Variants in PTK7 observed in about 807,000 individuals in gnomAD.
The protein encoded by PTK7 is protein tyrosine kinase 7 (inactive).
In PTK7, 39 loss-of-function variants were observed where a neutral mutation model predicts 116.6. That is an observed-to-expected ratio of 0.33 (90% CI 0.26 to 0.44). The LOEUF (loss-of-function observed/expected upper bound fraction) is 0.44, where lower values mean the gene tolerates loss of function less well. Among genes scored for constraint, PTK7 ranks in the 20% least tolerant of loss-of-function variants. The pLI is 1.00. For synonymous variants in PTK7, 546 were observed against 563.6 expected (o/e 0.97, Z 0.44); for missense variants, 1,169 against 1,425.6 (o/e 0.82, Z 2.90).
At chr6:43,115,486 T>C (rs1768454957) in intron 1 of PTK7, among the ~76,000 whole-genome samples, 1 of 152,080 alleles carries the variant, frequency 6.6e-6, no homozygotes, top group Non-Finnish European at 1.5e-5. Context: ...CTCCAGTACC[T>C]GTGAGTAATA....
At chr6:43,138,316 T>C (rs994127361) in intron 7 of PTK7, among the ~76,000 whole-genome samples, 2 of 151,904 alleles carry the variant, frequency 1.3e-5, no homozygotes, top group Non-Finnish European at 2.9e-5. Context: ...CTGCCTACCA[T>C]AGGGGCTTAT....
At chr6:43,126,090 T>G (rs186034920) in intron 1 of PTK7, among the ~76,000 whole-genome samples, 9 of 151,962 alleles carry the variant, frequency 5.9e-5, no homozygotes, top group African/African-American at 2.2e-4. Flanking sequence ...GAGGCCGAGG[T>G]GGGTGGATCA....
In PTK7 at chr6:43,132,651, G is replaced by A; in HGVS notation, c.1192G>A (p.Gly398Ser). The change falls in exon 7 of 20, where the codon GGT (glycine) becomes AGT (serine). Residue 398 changes from glycine (G) to serine (S), a missense_variant. By Grantham distance (56) the Gly-to-Ser change is moderately conservative (BLOSUM62 0). Coordinates refer to ENST00000230419, the MANE Select transcript of PTK7 (RefSeq NM_002821.5). The stretch of plus-strand genomic sequence containing the variant: ...CACCTGCCACGCGGCCAACCTGGCT[G>A]GTCAGCGGAGACAGGATGTCAACAT... Reference protein sequence around the residue: ...VYTCHAANLAGQRRQDVNITV... With the variant: ...VYTCHAANLASQRRQDVNITV... 6.3e-7 allele frequency: 1 copy of A among 1,575,898 alleles called. No homozygotes were observed. Among genetic ancestry groups the A allele is most frequent in the Admixed American group, 1.9e-5 (1 of 53,164 alleles).
chr6:43,136,433 C>G (rs990516120), intron 7 of PTK7, among the ~76,000 whole-genome samples: 2 of 152,248 alleles, frequency 1.3e-5, no homozygotes, highest in South Asian at 2.1e-4. Context: ...GCCCGCTCGT[C>G]TACCTGGTGT....
intron 1 of PTK7, among the ~76,000 whole-genome samples, chr6:43,084,868 T>G (rs1766570541): frequency 6.6e-6 from 1 of 152,096 alleles, no homozygotes; most frequent in South Asian, 2.1e-4. Flanking sequence ...GAATGATGAA[T>G]AGATGTAGTC....
intron 1 of PTK7, among the ~76,000 whole-genome samples, chr6:43,078,344 G>A (rs548158556): frequency 6.6e-6 from 1 of 152,026 alleles, no homozygotes; most frequent in East Asian, 1.9e-4. Context: ...TCTCCTCAGG[G>A]GTGGGGGGAT....
intron 1 of PTK7, among the ~76,000 whole-genome samples, chr6:43,081,997 G>T (rs529406454): frequency 6.6e-5 from 10 of 152,026 alleles, no homozygotes; most frequent in African/African-American, 2.2e-4. Flanking sequence ...AGTTCTGTGC[G>T]TGGGTAAGCA....
intron 17 of PTK7, among the ~76,000 whole-genome samples, chr6:43,148,800 C>T (rs1406708084): frequency 6.6e-6 from 1 of 151,942 alleles, no homozygotes; most frequent in East Asian, 1.9e-4. Context: ...GTGGCTCACA[C>T]CTGTAATCCC....
chr6:43,124,329 A>G (rs1281745408), intron 1 of PTK7, among the ~76,000 whole-genome samples: 1 of 152,196 alleles, frequency 6.6e-6, no homozygotes, highest in Non-Finnish European at 1.5e-5. Context: ...CTTACTTCCC[A>G]GCTCCTTTCT....
In PTK7 at chr6:43,117,218, A is replaced by G. The variant is rs187941263; in HGVS notation, c.80-11759A>G. Among the ~76,000 whole-genome samples the G allele has an allele frequency of 7.0e-4, 106 of 152,290 alleles. 1 individual carries two copies. The highest frequency in any genetic ancestry group is 2.6e-3 in the Admixed American group (39 of 15,294). On this transcript the variant is annotated intron_variant, in intron 1 of 19. Coordinates refer to ENST00000230419, the MANE Select transcript of PTK7 (RefSeq NM_002821.5). ...CCAGAAAAGCCCAATACATTAATCT[A>G]CTGGGGAGAAGAGCAGGATGTAGGA...
At chr6:43,158,394 G>A (rs1312434275) in intron 17 of PTK7, among the ~76,000 whole-genome samples, 1 of 152,166 alleles carries the variant, frequency 6.6e-6, no homozygotes, top group Non-Finnish European at 1.5e-5. Context: ...TTGAGCCCAG[G>A]AGTTTAGAGG....
Position 43,143,914 on chromosome 6 carries a change from C to T in PTK7, c.2251+294C>T, listed in dbSNP as rs113372575. 0.01 allele frequency among the ~76,000 whole-genome samples: 1,566 copies of T among 152,350 alleles called. 17 individuals carry two copies. Among genetic ancestry groups the T allele is most frequent in the African/African-American group, 0.035 (1,473 of 41,576 alleles). ...CAGATATCATTAGTATATGTACACA[C>T]GTTGCTGTTGCATGTCTTGTCTCCC... On this transcript the variant is annotated intron_variant, in intron 14 of 19. Coordinates refer to ENST00000230419, the MANE Select transcript of PTK7 (RefSeq NM_002821.5). The surrounding 1 kb of genome is among the most constrained non-coding windows in gnomAD (Gnocchi z 4.2).
At chr6:43,077,031 C>T (rs1267503987) in intron 1 of PTK7, 5 of 1,349,378 alleles carry the variant, frequency 3.7e-6, no homozygotes, top group Middle Eastern at 4.2e-4. Context: ...AGACCTGCGG[C>T]GCGCAAAGCG....
rs747013126 is a variant in PTK7 at position 43,160,798 on chromosome 6, T to A, written c.3130T>A (p.Trp1044Arg). The A allele has an allele frequency of 6.2e-7, 1 of 1,614,066 alleles. No homozygotes were observed. Among genetic ancestry groups the A allele is most frequent in the African/African-American group, 1.3e-5 (1 of 74,946 alleles). Reference protein sequence around the residue: ...SKLYRLMQRCWALSPKDRPSF... With the variant: ...SKLYRLMQRCRALSPKDRPSF... Reference sequence around the variant, plus strand: ...ACTCTATCGGCTGATGCAGCGCTGCTGGGCCCTCAGCCCCAAGGACCGGCC... The same window carrying A: ...ACTCTATCGGCTGATGCAGCGCTGCAGGGCCCTCAGCCCCAAGGACCGGCC... The change falls in exon 20 of 20, where the codon TGG (tryptophan) becomes AGG (arginine). Residue 1044 changes from tryptophan (W) to arginine (R), a missense_variant. Physicochemically the swap from Trp to Arg is moderately radical, Grantham distance 101 (BLOSUM62 -3). Coordinates refer to ENST00000230419, the MANE Select transcript of PTK7 (RefSeq NM_002821.5).
intron 1 of PTK7, among the ~76,000 whole-genome samples, chr6:43,114,032 G>A (rs960661718): frequency 6.6e-6 from 1 of 152,018 alleles, no homozygotes; most frequent in Non-Finnish European, 1.5e-5. Context: ...TGGAGTCCCT[G>A]CGGCCCCAGG....
At chr6:43,146,831 A>T in intron 17 of PTK7, 133 bp downstream of exon 17, 1 of 744,276 alleles carries the variant, frequency 1.3e-6, no homozygotes, top group Non-Finnish European at 2.2e-6. Context: ...TACTGTAATT[A>T]TCACGGTAGT....
At chr6:43,113,149 A>G (rs375826323) in intron 1 of PTK7, among the ~76,000 whole-genome samples, 3 of 152,274 alleles carry the variant, frequency 2.0e-5, no homozygotes, top group East Asian at 1.9e-4. Flanking sequence ...GTATTTTCCT[A>G]TGCCAGGTGT....
rs767202059 is a variant in PTK7, at chr6:43,130,680, A to G, written c.812+19A>G. The G allele has an allele frequency of 6.8e-6, 11 of 1,613,838 alleles. No homozygotes were observed. In the South Asian group the frequency reaches 1.2e-4, roughly 18 times the overall value. ...GCAGTCGGTAAGGCATCTGGCTGGG[A>G]GCATTCCAGTACCATGTACCACACA... is the stretch of plus-strand genomic sequence containing the variant. On this transcript the variant is annotated intron_variant, in intron 5 of 19. Transcript: ENST00000230419.
intron 17 of PTK7, among the ~76,000 whole-genome samples, chr6:43,151,378 AT>A (rs886789063): frequency 6.8e-6 from 1 of 146,712 alleles, no homozygotes. Flanking sequence ...CGCCCGGCCA[AT>A]TTTTTTGTAT....
Sources: allele counts gnomAD v4.1 joint callset (sites outside exome capture counted in the v4.1 genomes callset), GRCh38; gene constraint gnomAD v4.1.1; non-coding constraint Gnocchi (gnomAD v3.1); transcripts MANE v1.5; gene names NCBI Gene and HGNC (gene_info 2026-07-23, HGNC 2026-07-21).